DRICH1: variants seen among roughly 807,000 people sequenced by gnomAD.
The protein encoded by DRICH1 is aspartate-rich protein 1.
Under a neutral mutation model 39.5 loss-of-function variants are expected in DRICH1, and 38 were observed. The ratio of observed to expected loss-of-function variants is 0.96; its 90% CI spans 0.74 to 1.26. DRICH1 has a LOEUF of 1.26. DRICH1 is among the 50% of genes most tolerant of loss of function. The probability of loss-of-function intolerance (pLI) is 0.00; values close to 1 mark genes in which losing one functional copy is unlikely to be tolerated. For synonymous variants in DRICH1, 84 were observed against 99.5 expected (o/e 0.84, Z 0.93); for missense variants, 279 against 270.4 (o/e 1.03, Z -0.22).
At chr22:23,588,128 C>A in the DRICH1 span, among the ~76,000 whole-genome samples, 1 of 152,060 alleles carries the variant, frequency 6.6e-6, no homozygotes, top group African/African-American at 2.4e-5. Flanking sequence ...TTCTGGTTTT[C>A]TTTTTTTCTT....
chr22:23,582,602 G>A, the DRICH1 span, among the ~76,000 whole-genome samples: 5 of 132,810 alleles, frequency 3.8e-5, no homozygotes, highest in African/African-American at 1.4e-4. Context: ...GTTTCACTCT[G>A]CTGCCCAGGC....
chr22:23,632,166 T>C lies in DRICH1; in HGVS notation c.-143A>G, dbSNP rs1921003730. The stretch of plus-strand genomic sequence containing the variant: ...GGCAGATCTGGGTCCTCAGCCCTTA[T>C]TCTGCCGCCACCTCCCAAACTAGCT... On this transcript the variant is annotated 5_prime_UTR_variant, in exon 1 of 12. Coordinates refer to ENST00000317749, the MANE Select transcript of DRICH1 (RefSeq NM_016449.4). 3.6e-6 allele frequency: 5 copies of C among 1,370,134 alleles called. No homozygotes were observed. In the South Asian group the frequency reaches 7.3e-5, roughly 20 times the overall value. The allele number at this position is 1,370,134 out of a possible 1,614,324, so 84.9% of individuals were successfully genotyped here.
downstream of DRICH1, among the ~76,000 whole-genome samples, chr22:23,606,817 G>A (rs536370532): frequency 1.6e-4 from 24 of 152,270 alleles, no homozygotes; most frequent in African/African-American, 5.3e-4. Context: ...GGTCCTCTGC[G>A]CCTGCCCTCT....
rs370394160 is a variant in DRICH1 at position 23,632,065 on chromosome 22, C to T, written c.-42G>A. 3.9e-4 allele frequency: 634 copies of T among 1,610,038 alleles called. No homozygotes were observed. Among genetic ancestry groups the T allele is most frequent in the Non-Finnish European group, 5.1e-4 (604 of 1,178,572 alleles). On this transcript the variant is annotated 5_prime_UTR_variant, in exon 1 of 12. Transcript: ENST00000317749. ...TCTCCACTCCTGCCTCAGCCTTCAG[C>T]GAAATTGTAACTGTGCTGCCCTAGC...
At chr22:23,602,582 G>C in the DRICH1 span, among the ~76,000 whole-genome samples, 7 of 152,218 alleles carry the variant, frequency 4.6e-5, no homozygotes, top group African/African-American at 1.4e-4. Flanking sequence ...CTACGCGAGA[G>C]GCTGAGGCAA....
chr22:23,594,991 G>A, the DRICH1 span, among the ~76,000 whole-genome samples: 1 of 147,748 alleles, frequency 6.8e-6, no homozygotes, highest in African/African-American at 2.5e-5. Context: ...CCTAACTGGG[G>A]AAGAAAAGAT....
At chr22:23,593,977 CAAA>C in the DRICH1 span, among the ~76,000 whole-genome samples, 1 of 89,032 alleles carries the variant, frequency 1.1e-5, no homozygotes, top group Admixed American at 1.0e-4. Flanking sequence ...GACTCTGTCT[CAAA>C]AAAAAAAAAA....
chr22:23,608,540 G>A lies in DRICH1; in HGVS notation c.*224C>T, dbSNP rs1176424219. Reference sequence around the variant, plus strand: ...CGTCTCTTCTCACTCTCTTGCCAAAGGAGAAATGCCAGGCCCAGAAGCACT... The same window carrying A: ...CGTCTCTTCTCACTCTCTTGCCAAAAGAGAAATGCCAGGCCCAGAAGCACT... On this transcript the variant is annotated 3_prime_UTR_variant, in exon 12 of 12. Transcript: ENST00000317749. The A allele has an allele frequency of 3.7e-6, 2 of 539,792 alleles. No individual in the cohort carries two copies. The highest frequency in any genetic ancestry group is 1.9e-5 in the African/African-American group (1 of 53,312). The allele number at this position is 539,792 out of a possible 1,614,324, so 33.4% of individuals were successfully genotyped here.
downstream of DRICH1, among the ~76,000 whole-genome samples, chr22:23,605,344 G>A (rs942948728): frequency 6.6e-6 from 1 of 152,102 alleles, no homozygotes; most frequent in Non-Finnish European, 1.5e-5. Context: ...CACCAGCACC[G>A]TGTAGGCTTA....
chr22:23,606,648 G>A (rs1926748182), downstream of DRICH1, among the ~76,000 whole-genome samples: 1 of 152,186 alleles, frequency 6.6e-6, no homozygotes, highest in Admixed American at 6.5e-5. Context: ...CCTACTCTGG[G>A]GCAGTGGTAG....
At chr22:23,626,070 G>A (rs1455924803) in intron 1 of DRICH1, 22 bp from the exon 2 acceptor site, 9 of 1,577,624 alleles carry the variant, frequency 5.7e-6, no homozygotes, top group Non-Finnish European at 7.0e-6. Flanking sequence ...CAGAGTTAAT[G>A]TCAGTGCCCT....
the DRICH1 span, among the ~76,000 whole-genome samples, chr22:23,584,111 TGGGCC>T: frequency 6.6e-6 from 1 of 152,190 alleles, no homozygotes; most frequent in Non-Finnish European, 1.5e-5. Context: ...GGGGCTGGGC[TGGGCC>T]GGGCCTCTCC....
At chr22:23,625,473 C>A (rs539902844) in intron 2 of DRICH1, among the ~76,000 whole-genome samples, 1 of 152,158 alleles carries the variant, frequency 6.6e-6, no homozygotes, top group South Asian at 2.1e-4. Flanking sequence ...GCTTGTTGGG[C>A]TCCCTTTCCT....
the DRICH1 span, among the ~76,000 whole-genome samples, chr22:23,584,363 C>T: frequency 6.6e-6 from 1 of 152,154 alleles, no homozygotes; most frequent in Admixed American, 6.5e-5. Context: ...TGTGGGTGTC[C>T]CCCATTCTGG....
chr22:23,631,654 A>G (rs1301616147), intron 1 of DRICH1, among the ~76,000 whole-genome samples, 162 bp downstream of exon 1: 1 of 125,854 alleles, frequency 7.9e-6, no homozygotes, highest in Non-Finnish European at 1.6e-5. Flanking sequence ...CAAAGACAGG[A>G]GGCAGAGTCA....
At chr22:23,612,335 T>C (rs1602331401) in intron 11 of DRICH1, among the ~76,000 whole-genome samples, 1 of 151,670 alleles carries the variant, frequency 6.6e-6, no homozygotes, top group Admixed American at 6.6e-5. Flanking sequence ...GGCATGGTGG[T>C]GGACACCTGT....
At chr22:23,582,569 T>TATTATTATTATTATTATTATTA in the DRICH1 span, among the ~76,000 whole-genome samples, 2 of 148,984 alleles carry the variant, frequency 1.3e-5, no homozygotes, top group Non-Finnish European at 3.0e-5. Flanking sequence ...TTATTATTAT[T>TATTATTATTATTATTATTATTA]ATTATTATTA....
intron 1 of DRICH1, among the ~76,000 whole-genome samples, chr22:23,628,839 G>A (rs768911667): frequency 6.6e-6 from 1 of 152,046 alleles, no homozygotes; most frequent in Admixed American, 6.5e-5. Flanking sequence ...CAGTGTCAAC[G>A]GCCATCATCG....
Position 23,616,762 on chromosome 22 carries a change from A to G in DRICH1, c.541+91T>C, listed in dbSNP as rs1927372807. On this transcript the variant is annotated intron_variant, in intron 8 of 11. Coordinates refer to ENST00000317749, the MANE Select transcript of DRICH1 (RefSeq NM_016449.4). The stretch of plus-strand genomic sequence containing the variant: ...ATCATTTGCTCTCACCACACCCCCA[A>G]TATTTTTTAACAGGAACCCAGATTA... 16 of 1,529,540 alleles carry G rather than the reference A, an allele frequency of 1.0e-5. No individual in the cohort carries two copies. The South Asian group carries it at 1.5e-4, about 14-fold the overall frequency. The allele number at this position is 1,529,540 out of a possible 1,614,324, so 94.7% of individuals were successfully genotyped here.
Sources: allele counts gnomAD v4.1 joint callset (sites outside exome capture counted in the v4.1 genomes callset), GRCh38; gene constraint gnomAD v4.1.1; transcripts MANE v1.5; gene names NCBI Gene and HGNC (gene_info 2026-07-23, HGNC 2026-07-21).